Variants in NRXN1 observed in about 807,000 individuals in gnomAD.
NRXN1 encodes neurexin 1.
In NRXN1, 39 loss-of-function variants were observed where a neutral mutation model predicts 150.9. That is an observed-to-expected ratio of 0.26 (90% CI 0.20 to 0.34). The LOEUF (loss-of-function observed/expected upper bound fraction) is 0.34. Ranked by LOEUF, NRXN1 falls within the 10% of genes least tolerant of loss-of-function variation. NRXN1 has a pLI of 1.00. For synonymous variants in NRXN1, 924 were observed against 757.0 expected, an observed-to-expected ratio of 1.22 and a Z score of -3.62; for missense variants, 1,815 against 1,949.9, an observed-to-expected ratio of 0.93 and a Z score of 1.30.
chr2:50,120,831 G>C (rs1265710674), intron 18 of NRXN1, among the ~76,000 whole-genome samples: 1 of 152,128 alleles, frequency 6.6e-6, no homozygotes, highest in Non-Finnish European at 1.5e-5. Flanking sequence ...TGCCACAAAA[G>C]TTATATTTCC....
chr2:50,493,865 G>C (rs370837955), intron 15 of NRXN1, among the ~76,000 whole-genome samples: 1 of 152,152 alleles, frequency 6.6e-6, no homozygotes, highest in African/African-American at 2.4e-5. Context: ...CAAGTACACT[G>C]AGAGTTCATT....
chr2:50,552,522 T>A, intron 9 of NRXN1, 65 bp downstream of exon 9: 1 of 1,271,790 alleles, frequency 7.9e-7, no homozygotes, highest in Non-Finnish European at 1.1e-6. Flanking sequence ...TTTTCACTTT[T>A]AGGAATGGCA....
chr2:50,526,668 C>T (rs943361744), intron 12 of NRXN1: 1 of 152,086 alleles, frequency 6.6e-6, no homozygotes, highest in Non-Finnish European at 1.5e-5. Flanking sequence ...CTCCCTATTC[C>T]CCAAATAAAA....
At position 50,865,788 on chromosome 2, in the gene NRXN1, C is replaced by G. The variant is rs74716187; in HGVS notation, c.832+56081G>C. On this transcript the variant is annotated intron_variant, in intron 5 of 22. Coordinates refer to ENST00000401669, the MANE Select transcript of NRXN1 (RefSeq NM_001330078.2). ...ATGTACATACATCTACTATTAACTG[C>G]TTACTGGGAATGGGAATTACTATGT... Among the ~76,000 whole-genome samples, 1,025 of 138,954 alleles carry G rather than the reference C, an allele frequency of 7.4e-3. 6 individuals carry two copies. The highest frequency in any genetic ancestry group is 0.026 in the African/African-American group (971 of 37,584). 91.2% of individuals were successfully genotyped at this position (138,954 alleles called of 152,430 possible). A position where few individuals can be genotyped will look rare whatever the true frequency, so the allele number is the denominator to read the frequency against.
At chr2:50,829,667 A>ACTCC in intron 5 of NRXN1, 2 of 1,611,714 alleles carry the variant, frequency 1.2e-6, no homozygotes, top group East Asian at 4.5e-5. Flanking sequence ...GCATCATAAC[A>ACTCC]GGCTGACACA....
intron 5 of NRXN1, among the ~76,000 whole-genome samples, chr2:50,727,423 C>A (rs1027030957): frequency 7.2e-6 from 1 of 139,740 alleles, no homozygotes; most frequent in African/African-American, 2.8e-5. Flanking sequence ...GCTAGTCTAT[C>A]AACAGTTATA....
chr2:50,516,399 C>T (rs1227217315), intron 12 of NRXN1, among the ~76,000 whole-genome samples: 2 of 152,086 alleles, frequency 1.3e-5, no homozygotes, highest in Non-Finnish European at 2.9e-5. Flanking sequence ...TTTGATGCTT[C>T]CTTTAGTAGA....
chr2:50,713,702 T>TA (rs1310192474), intron 5 of NRXN1, among the ~76,000 whole-genome samples: 1 of 152,156 alleles, frequency 6.6e-6, no homozygotes, highest in Non-Finnish European at 1.5e-5. Flanking sequence ...AAAAAACAGA[T>TA]AAATTATTAC....
At chr2:50,443,759 T>G (rs1454846711) in intron 17 of NRXN1, among the ~76,000 whole-genome samples, 4 of 152,182 alleles carry the variant, frequency 2.6e-5, no homozygotes, top group African/African-American at 9.6e-5. Context: ...ACAGTCAAAA[T>G]AGTTCCATAT....
intron 5 of NRXN1, among the ~76,000 whole-genome samples, chr2:50,735,877 C>A (rs1698676913): frequency 6.6e-6 from 1 of 152,174 alleles, no homozygotes; most frequent in Admixed American, 6.6e-5. Flanking sequence ...TTTTTACTAC[C>A]TTCATCCAGG....
chr2:50,734,742 C>A (rs1698509858), intron 5 of NRXN1, among the ~76,000 whole-genome samples: 1 of 151,454 alleles, frequency 6.6e-6, no homozygotes, highest in African/African-American at 2.4e-5. Context: ...AACATATACA[C>A]ATAACCCCCC....
chr2:50,672,568 A>T (rs905207571), intron 5 of NRXN1, among the ~76,000 whole-genome samples: 49 of 151,702 alleles, frequency 3.2e-4, no homozygotes, highest in Non-Finnish European at 1.5e-4. Context: ...ACAATCATCC[A>T]CTCTGATGTT....
intron 5 of NRXN1, among the ~76,000 whole-genome samples, chr2:50,792,567 T>C (rs1041953030): frequency 6.6e-6 from 1 of 152,084 alleles, no homozygotes; most frequent in Non-Finnish European, 1.5e-5. Context: ...ATGGTATTGG[T>C]TGTAGTTGAA....
chr2:50,890,000 T>A (rs1228048348), intron 5 of NRXN1, among the ~76,000 whole-genome samples: 1 of 151,376 alleles, frequency 6.6e-6, no homozygotes, highest in South Asian at 2.1e-4. Flanking sequence ...TTTTTAATAA[T>A]GCTGCATGTT....
chr2:50,992,128 C>T (rs1263553822), intron 2 of NRXN1, among the ~76,000 whole-genome samples: 1 of 151,916 alleles, frequency 6.6e-6, no homozygotes, highest in Non-Finnish European at 1.5e-5. Context: ...ATAAACCTGG[C>T]TGTTTTCTAT....
intron 22 of NRXN1, among the ~76,000 whole-genome samples, chr2:49,927,649 C>T (rs1446969178): frequency 1.3e-5 from 2 of 152,130 alleles, no homozygotes; most frequent in Non-Finnish European, 2.9e-5. Context: ...AAGAAAACTG[C>T]TCTTGATCTA....
rs1199750579 is a variant in NRXN1, at chr2:50,019,902, C to CG, written c.4128+33368dup. 2.3e-4 allele frequency among the ~76,000 whole-genome samples: 31 copies of CG among 135,528 alleles called. 1 individual carries two copies. The highest frequency in any genetic ancestry group is 8.5e-4 in the African/African-American group (30 of 35,484). 88.9% of individuals were successfully genotyped at this position (135,528 alleles called of 152,430 possible). A position where few individuals can be genotyped will look rare whatever the true frequency, so the allele number is the denominator to read the frequency against. Reference sequence around the variant, plus strand: ...GGCGGAGCTTGCAGTGAGCCGAGATCGCGCCACTGCACTCCGGCCTGGGTG... The same window carrying CG: ...GGCGGAGCTTGCAGTGAGCCGAGATCGGCGCCACTGCACTCCGGCCTGGGTG... On this transcript the variant is annotated intron_variant, in intron 21 of 22. Coordinates refer to ENST00000401669, the MANE Select transcript of NRXN1 (RefSeq NM_001330078.2).
intron 10 of NRXN1, among the ~76,000 whole-genome samples, chr2:50,532,876 T>A (rs2093155412): frequency 6.6e-6 from 1 of 152,168 alleles, no homozygotes; most frequent in African/African-American, 2.4e-5. Flanking sequence ...ATCAGTTTGC[T>A]TTCTCATTGG....
rs77464615 is a variant in NRXN1 at position 50,408,681 on chromosome 2, G to A, written c.3364+56761C>T. On this transcript the variant is annotated intron_variant, in intron 17 of 22. Transcript: ENST00000401669. ...TGTGTGTGTGTATGTCTGTGTGTGC[G>A]TCTGTGTCTGTTTTAGAAATGAATT... 3.0e-3 allele frequency among the ~76,000 whole-genome samples: 456 copies of A among 152,230 alleles called. 2 individuals carry two copies. The highest frequency in any genetic ancestry group is 0.01 in the African/African-American group (426 of 41,538).
Sources: gnomAD v4.1 joint callset for allele counts (sites outside exome capture counted in the v4.1 genomes callset) on GRCh38, gnomAD v4.1.1 for gene constraint, MANE v1.5 for transcripts, NCBI Gene and HGNC (gene_info 2026-07-23, HGNC 2026-07-21) for gene names.